Variants in MOB1B observed in about 807,000 individuals in gnomAD.
The protein encoded by MOB1B is MOB1 Mps One Binder homolog B.
Under a neutral mutation model 24.4 loss-of-function variants are expected in MOB1B, and 19 were observed. That is an observed-to-expected ratio of 0.78 (90% CI 0.54 to 1.14). The LOEUF (loss-of-function observed/expected upper bound fraction) is 1.14. MOB1B is among the 50% of genes most tolerant of loss of function. The pLI is 0.00. For missense variants in MOB1B, 243 were observed against 259.6 expected, an observed-to-expected ratio of 0.94 and a Z score of 0.44; for synonymous variants, 76 against 82.1, an observed-to-expected ratio of 0.93 and a Z score of 0.40.
At chr4:70,918,093 T>C (rs1736266288) in intron 1 of MOB1B, among the ~76,000 whole-genome samples, 1 of 152,182 alleles carries the variant, frequency 6.6e-6, no homozygotes. Flanking sequence ...AGATTGAACA[T>C]AATTTTGGCA....
At chr4:70,935,094 T>C (rs1265473324) in intron 1 of MOB1B, among the ~76,000 whole-genome samples, 2 of 152,096 alleles carry the variant, frequency 1.3e-5, no homozygotes, top group African/African-American at 4.8e-5. Flanking sequence ...GCCCGACTAA[T>C]GTTTTAAATT....
Position 70,969,877 on chromosome 4 carries a change from T to C in MOB1B, c.182-54T>C, listed in dbSNP as rs368970876. The C allele has an allele frequency of 7.7e-5, 78 of 1,008,304 alleles. 1 individual carries two copies. The African/African-American group carries it at 1.1e-3, about 14-fold the overall frequency. The allele number at this position is 1,008,304 out of a possible 1,614,324, so 62.5% of individuals were successfully genotyped here. ...TATTCTGTTCAAGTACAATTAAAAT[T>C]TCATTTTAAATTTAGCCATTCTGTT... On this transcript the variant is annotated intron_variant, in intron 2 of 5. Coordinates refer to ENST00000309395, the MANE Select transcript of MOB1B (RefSeq NM_173468.4).
At chr4:70,953,760 A>G (rs770673729) in intron 1 of MOB1B, among the ~76,000 whole-genome samples, 2 of 152,206 alleles carry the variant, frequency 1.3e-5, no homozygotes, top group Non-Finnish European at 2.9e-5. Context: ...CCTGAACAAC[A>G]TGGTGAAACC....
At chr4:70,957,279 CAG>C (rs1738102678) in intron 1 of MOB1B, among the ~76,000 whole-genome samples, 1 of 122,250 alleles carries the variant, frequency 8.2e-6, no homozygotes, top group Non-Finnish European at 1.7e-5. Context: ...AAAAAAAAAA[CAG>C]AAAAAAAAAA....
chr4:70,974,637 AC>A (rs1238458513), intron 3 of MOB1B, among the ~76,000 whole-genome samples: 1 of 152,190 alleles, frequency 6.6e-6, no homozygotes, highest in Non-Finnish European at 1.5e-5. Context: ...TTCTTTAAAG[AC>A]ATGTCTAGAT....
intron 1 of MOB1B, among the ~76,000 whole-genome samples, chr4:70,949,207 T>C (rs1737697674): frequency 6.6e-6 from 1 of 152,212 alleles, no homozygotes; most frequent in Non-Finnish European, 1.5e-5. Flanking sequence ...TAGTGTTCTT[T>C]CTTTTTTTCC....
At chr4:70,910,039 C>T (rs1232282641) in intron 1 of MOB1B, among the ~76,000 whole-genome samples, 1 of 151,594 alleles carries the variant, frequency 6.6e-6, no homozygotes, top group Non-Finnish European at 1.5e-5. Flanking sequence ...TGAGCCACCA[C>T]GCCCGGCCTT....
intron 1 of MOB1B, among the ~76,000 whole-genome samples, chr4:70,952,050 A>G (rs1737830859): frequency 1.3e-5 from 2 of 152,330 alleles, no homozygotes; most frequent in South Asian, 2.1e-4. Flanking sequence ...TAGGCACTAT[A>G]TAAAATTTAA....
At chr4:70,961,976 A>G (rs1738326531) in intron 2 of MOB1B, among the ~76,000 whole-genome samples, 1 of 152,256 alleles carries the variant, frequency 6.6e-6, no homozygotes, top group Non-Finnish European at 1.5e-5. Flanking sequence ...CTATAATCCC[A>G]GCATTTTGGG....
At chr4:70,980,833 C>G (rs531107730) in intron 5 of MOB1B, among the ~76,000 whole-genome samples, 3 of 152,230 alleles carry the variant, frequency 2.0e-5, no homozygotes, top group East Asian at 3.9e-4. Flanking sequence ...TGAGAGTTTG[C>G]TGATGGCAGC....
chr4:70,916,186 G>C (rs576682124), intron 1 of MOB1B, among the ~76,000 whole-genome samples: 2 of 152,272 alleles, frequency 1.3e-5, no homozygotes, highest in African/African-American at 2.4e-5. Context: ...TTTTTGGTCA[G>C]GTTCTCACTT....
intron 1 of MOB1B, among the ~76,000 whole-genome samples, chr4:70,942,171 A>G (rs919226057): frequency 1.3e-5 from 2 of 152,154 alleles, no homozygotes; most frequent in Admixed American, 1.3e-4. Flanking sequence ...CTAAGAAGCA[A>G]ACACTCAAAT....
chr4:70,942,611 C>T (rs975576776), intron 1 of MOB1B, among the ~76,000 whole-genome samples: 1 of 152,018 alleles, frequency 6.6e-6, no homozygotes, highest in African/African-American at 2.4e-5. Flanking sequence ...TGTACCTATC[C>T]TGAATGTATG....
chr4:70,913,159 G>T (rs1736063213), intron 1 of MOB1B, among the ~76,000 whole-genome samples: 1 of 152,064 alleles, frequency 6.6e-6, no homozygotes. Flanking sequence ...TCCTCGCTTT[G>T]GGTTTCTCTG....
At chr4:70,943,458 C>A (rs1161788870) in intron 1 of MOB1B, among the ~76,000 whole-genome samples, 1 of 152,134 alleles carries the variant, frequency 6.6e-6, no homozygotes, top group Non-Finnish European at 1.5e-5. Context: ...TTTCCACTTA[C>A]CCCACAATGA....
chr4:70,958,842 T>G, intron 1 of MOB1B, 32 bp from the exon 2 acceptor site: 1 of 1,579,422 alleles, frequency 6.3e-7, no homozygotes, highest in African/African-American at 1.4e-5. Context: ...GCCTTAAATA[T>G]TAAACCCTTT....
intron 1 of MOB1B, among the ~76,000 whole-genome samples, chr4:70,932,094 G>GT (rs1450941730): frequency 1.3e-5 from 2 of 152,166 alleles, no homozygotes; most frequent in Non-Finnish European, 2.9e-5. Flanking sequence ...ACTCAAGCCT[G>GT]TATCTGTGGA....
intron 1 of MOB1B, among the ~76,000 whole-genome samples, chr4:70,955,510 A>C (rs929263372): frequency 6.8e-5 from 8 of 118,042 alleles, no homozygotes; most frequent in African/African-American, 2.7e-4. Flanking sequence ...TTGCTTTGTC[A>C]TCCAGGCTGG....
At position 70,921,801 on chromosome 4, in the gene MOB1B, C is replaced by G. The variant is rs112326221; in HGVS notation, c.14+19251C>G. ...GGATTACAGGCGTGAGCCACCGTGC[C>G]TGGCCCGCATTTCTTTACAATACTT... On this transcript the variant is annotated intron_variant, in intron 1 of 5. Coordinates refer to ENST00000309395, the MANE Select transcript of MOB1B (RefSeq NM_173468.4). Among the ~76,000 whole-genome samples, 991 of 152,246 alleles carry G rather than the reference C, an allele frequency of 6.5e-3. 9 individuals carry two copies. The highest frequency in any genetic ancestry group is 0.023 in the African/African-American group (959 of 41,560).
Sources: gnomAD v4.1 joint callset for allele counts (sites outside exome capture counted in the v4.1 genomes callset) on GRCh38, gnomAD v4.1.1 for gene constraint, MANE v1.5 for transcripts, NCBI Gene and HGNC (gene_info 2026-07-23, HGNC 2026-07-21) for gene names.